Variants in TMEM254 observed in about 807,000 individuals in gnomAD.
TMEM254 encodes the protein transmembrane protein C10orf57.
A neutral mutation model predicts 13.9 loss-of-function variants in TMEM254; 16 were observed. That is an observed-to-expected ratio of 1.15 (90% CI 0.78 to 1.75). The LOEUF is 1.75. Ranked by LOEUF, TMEM254 falls within the 40% of genes most tolerant of loss-of-function variation. The pLI, the probability that TMEM254 is intolerant of heterozygous loss-of-function variation, is 0.00. For synonymous variants in TMEM254, 61 were observed against 56.4 expected, an observed-to-expected ratio of 1.08 and a Z score of -0.36; for missense variants, 155 against 149.0, an observed-to-expected ratio of 1.04 and a Z score of -0.21.
chr10:80,085,479 A>G (rs1467575568), intron 3 of TMEM254, among the ~76,000 whole-genome samples: 4 of 151,926 alleles, frequency 2.6e-5, no homozygotes, highest in African/African-American at 9.7e-5. Context: ...AGGCAGGAGA[A>G]TCGCTTGGAC....
chr10:80,078,959 C>T (rs1843795506), intron 1 of TMEM254, 173 bp downstream of exon 1: 1 of 1,534,650 alleles, frequency 6.5e-7, no homozygotes, highest in African/African-American at 1.4e-5. Flanking sequence ...AGCAAGCATA[C>T]TGGTCCGCCA....
chr10:80,092,427 C>A lies in TMEM254; in HGVS notation c.*1510C>A, dbSNP rs1198133101. The A allele has an allele frequency of 6.6e-6, 1 of 152,070 alleles. No homozygotes were observed. Among genetic ancestry groups the A allele is most frequent in the Non-Finnish European group, 1.5e-5 (1 of 68,018 alleles). 9.4% of individuals were successfully genotyped at this position (152,070 alleles called of 1,614,324 possible). On this transcript the variant is annotated 3_prime_UTR_variant, in exon 4 of 4. Coordinates refer to ENST00000372281, the MANE Select transcript of TMEM254 (RefSeq NM_025125.4). ...AGTTAGGCATCATGGAAATTCAAAC[C>A]AGATTTCTTAATACCTGGTCTTCCT...
chr10:80,079,568 A>G, intron 1 of TMEM254: 1 of 1,004,646 alleles, frequency 1.0e-6, no homozygotes, highest in Non-Finnish European at 1.2e-6. Flanking sequence ...AGGGAGGATA[A>G]AGAGGCTATA....
chr10:80,090,728 G>T, intron 3 of TMEM254, 69 bp from the exon 4 acceptor site: 1 of 1,463,362 alleles, frequency 6.8e-7, no homozygotes, highest in Non-Finnish European at 9.3e-7. Context: ...TATATATATA[G>T]AAGACAATAA....
chr10:80,086,945 ATTG>A (rs1844346749), intron 3 of TMEM254, among the ~76,000 whole-genome samples: 1 of 151,546 alleles, frequency 6.6e-6, no homozygotes, highest in Admixed American at 6.6e-5. Flanking sequence ...ATTGGTTTCC[ATTG>A]TTATATATGC....
At chr10:80,089,651 G>C (rs1159942715) in intron 3 of TMEM254, among the ~76,000 whole-genome samples, 1 of 151,410 alleles carries the variant, frequency 6.6e-6, no homozygotes, top group Non-Finnish European at 1.5e-5. Context: ...ACACTCCACT[G>C]TAGGTGACAG....
chr10:80,088,114 C>T (rs1268841015), intron 3 of TMEM254, among the ~76,000 whole-genome samples: 1 of 152,096 alleles, frequency 6.6e-6, no homozygotes. Flanking sequence ...CTTATTGAGA[C>T]ATTCAGTCTT....
intron 1 of TMEM254, among the ~76,000 whole-genome samples, chr10:80,080,916 T>G (rs1464009571): frequency 6.6e-6 from 1 of 152,068 alleles, no homozygotes; most frequent in Non-Finnish European, 1.5e-5. Flanking sequence ...TCTGTCTGTA[T>G]TAAAAATACA....
chr10:80,090,481 C>G, intron 3 of TMEM254: 1 of 716,048 alleles, frequency 1.4e-6, no homozygotes, highest in East Asian at 2.7e-5. Flanking sequence ...AAAACATTTG[C>G]TCTGAAACCA....
chr10:80,090,660 C>G, intron 3 of TMEM254, 137 bp from the exon 4 acceptor site: 2 of 765,396 alleles, frequency 2.6e-6, no homozygotes, highest in Non-Finnish European at 4.1e-6. Flanking sequence ...CCAAGATAAG[C>G]CAGAGAAAAG....
In TMEM254 at chr10:80,092,376, G is replaced by A. The variant is rs557861704; in HGVS notation, c.*1459G>A. On this transcript the variant is annotated 3_prime_UTR_variant, in exon 4 of 4. Coordinates refer to ENST00000372281, the MANE Select transcript of TMEM254 (RefSeq NM_025125.4). ...CTGGTGATTAAGAAGTTCCTTTTTG[G>A]TAAGGAAAAGGATTTTTAACCATAG... is the stretch of plus-strand genomic sequence containing the variant. 9.9e-5 allele frequency: 15 copies of A among 152,094 alleles called. No individual in the cohort carries two copies. Among genetic ancestry groups the A allele is most frequent in the Non-Finnish European group, 1.0e-4 (7 of 68,032 alleles). 9.4% of individuals were successfully genotyped at this position (152,094 alleles called of 1,614,324 possible).
chr10:80,083,914 TA>T (rs1844179730), intron 3 of TMEM254, among the ~76,000 whole-genome samples: 1 of 151,748 alleles, frequency 6.6e-6, no homozygotes, highest in African/African-American at 2.4e-5. Flanking sequence ...CCATCTCTAC[TA>T]AAAATACAAA....
At chr10:80,089,930 G>A (rs766952038) in intron 3 of TMEM254, among the ~76,000 whole-genome samples, 2 of 151,346 alleles carry the variant, frequency 1.3e-5, no homozygotes, top group Non-Finnish European at 2.9e-5. Flanking sequence ...GCATCAACCC[G>A]GGAGGCAGAG....
intron 1 of TMEM254, among the ~76,000 whole-genome samples, chr10:80,079,919 C>T (rs563469897): frequency 2.6e-5 from 4 of 152,322 alleles, no homozygotes; most frequent in Admixed American, 2.0e-4. Context: ...GAACTCCTAA[C>T]GTCAAGTGAT....
In TMEM254 at chr10:80,078,683, G is replaced by C; in HGVS notation, c.-17G>C. ...CGACGGTGTCCTGAAGCGCGCTCCC[G>C]GGGAGGTGTTGCAGCCATGGCTACG... On this transcript the variant is annotated 5_prime_UTR_variant, in exon 1 of 4. Coordinates refer to ENST00000372281, the MANE Select transcript of TMEM254 (RefSeq NM_025125.4). The C allele has an allele frequency of 1.3e-6, 2 of 1,587,338 alleles. No homozygotes were observed. Among genetic ancestry groups the C allele is most frequent in the Non-Finnish European group, 1.7e-6 (2 of 1,169,664 alleles).
chr10:80,079,032 G>A, intron 1 of TMEM254: 1 of 1,513,298 alleles, frequency 6.6e-7, no homozygotes, highest in Non-Finnish European at 8.9e-7. Flanking sequence ...TTATATGGGG[G>A]CGGGGACGGC....
rs568673877 is a variant in TMEM254 at position 80,090,269 on chromosome 10, G to C, written c.252-528G>C. 50 of 651,904 alleles carry C rather than the reference G, an allele frequency of 7.7e-5. No individual in the cohort carries two copies. In the African/African-American group the frequency reaches 8.0e-4, roughly 10 times the overall value. The allele number at this position is 651,904 out of a possible 1,614,324, so 40.4% of individuals were successfully genotyped here. ...TGAATTTGAATGACAATATAAGCAG[G>C]TGTTTATCATGACTGTGTGCCAGGC... is the stretch of plus-strand genomic sequence containing the variant. On this transcript the variant is annotated intron_variant, in intron 3 of 3. Coordinates refer to ENST00000372281, the MANE Select transcript of TMEM254 (RefSeq NM_025125.4).
Position 80,090,810 on chromosome 10 carries a change from A to C in TMEM254, c.265A>C (p.Thr89Pro), listed in dbSNP as rs1026032488. 4.3e-6 allele frequency: 7 copies of C among 1,613,522 alleles called. No individual in the cohort carries two copies. In the African/African-American group the frequency reaches 9.3e-5, roughly 22 times the overall value. The part of the protein sequence containing the change: ...AIVLCKHKGI[T>P]SGRAQLLWFL... ...TTTCTGTTTTAGGCATAAAGGCATC[A>C]CAAGTGGTCGGGCTCAGCTACTCTG... The change falls in exon 4 of 4, where the codon ACA becomes CCA. Residue 89 changes from threonine (T) to proline (P), a missense_variant. By Grantham distance (38) the Thr-to-Pro change is conservative. Coordinates refer to ENST00000372281, the MANE Select transcript of TMEM254 (RefSeq NM_025125.4).
intron 3 of TMEM254, among the ~76,000 whole-genome samples, chr10:80,085,266 A>C (rs1844254721): frequency 6.6e-6 from 1 of 152,084 alleles, no homozygotes; most frequent in Non-Finnish European, 1.5e-5. Flanking sequence ...ATTCCTTTTG[A>C]ATTATGAGAT....
Sources: gnomAD v4.1 joint callset for allele counts (sites outside exome capture counted in the v4.1 genomes callset) on GRCh38, gnomAD v4.1.1 for gene constraint, MANE v1.5 for transcripts, NCBI Gene and HGNC (gene_info 2026-07-23, HGNC 2026-07-21) for gene names.